The following DLG2 variants were observed in gnomAD, a reference collection of about 807,000 sequenced individuals.
DLG2 encodes disks large homolog 2.
DLG2 carries 45 observed loss-of-function variants against 132.5 expected under a neutral mutation model. That is an observed-to-expected ratio of 0.34 (90% CI 0.27 to 0.44). DLG2 has a LOEUF of 0.44. Ranked by LOEUF, DLG2 falls within the 20% of genes least tolerant of loss-of-function variation. DLG2 has a pLI of 1.00. For synonymous variants in DLG2, 424 were observed against 419.6 expected, an observed-to-expected ratio of 1.01 and a Z score of -0.13; for missense variants, 1,045 against 1,196.9, an observed-to-expected ratio of 0.87 and a Z score of 1.87.
At chr11:84,648,797 C>T (rs1361827169) in intron 6 of DLG2, among the ~76,000 whole-genome samples, 1 of 151,938 alleles carries the variant, frequency 6.6e-6, no homozygotes, top group Admixed American at 6.6e-5. Context: ...ATATATCTCA[C>T]ACACACAGAC....
chr11:85,273,521 C>A (rs1444676850), intron 4 of DLG2, among the ~76,000 whole-genome samples: 1 of 152,130 alleles, frequency 6.6e-6, no homozygotes, highest in African/African-American at 2.4e-5. Flanking sequence ...TCATCACTGG[C>A]CATCAGAGAA....
Position 83,989,527 on chromosome 11 carries a change from C to T in DLG2, c.920-8885G>A, listed in dbSNP as rs74346909. Among the ~76,000 whole-genome samples the T allele has an allele frequency of 5.3e-3, 809 of 152,196 alleles. 4 individuals carry two copies. Among genetic ancestry groups the T allele is most frequent in the Non-Finnish European group, 8.9e-3 (604 of 68,008 alleles). On this transcript the variant is annotated intron_variant, in intron 11 of 27. Transcript: ENST00000376104. ...TATGTGAGGGAAGCATGACTTACTT[C>T]TTAGAGGAGAAGGAGAATAATTAAC...
chr11:85,348,229 ATTTCTTTTTT>A (rs2083005391), intron 3 of DLG2, among the ~76,000 whole-genome samples: 1 of 131,768 alleles, frequency 7.6e-6, no homozygotes, highest in African/African-American at 2.9e-5. Context: ...TTTTGTTTTT[ATTTCTTTTTT>A]TTGAGACAGA....
chr11:84,695,220 A>G (rs2058497759), intron 6 of DLG2, among the ~76,000 whole-genome samples: 1 of 151,562 alleles, frequency 6.6e-6, no homozygotes, highest in Non-Finnish European at 1.5e-5. Context: ...GGCTCATATT[A>G]CAGCAGAGAA....
At chr11:83,600,395 C>A (rs2058353469) in intron 19 of DLG2, among the ~76,000 whole-genome samples, 1 of 151,998 alleles carries the variant, frequency 6.6e-6, no homozygotes, top group East Asian at 1.9e-4. Flanking sequence ...TATACATCTC[C>A]TTTTCTGCTA....
chr11:84,702,158 G>A (rs537951570), intron 6 of DLG2, among the ~76,000 whole-genome samples: 11 of 151,708 alleles, frequency 7.3e-5, no homozygotes, highest in African/African-American at 2.4e-4. Flanking sequence ...TACTTGCCTT[G>A]CTTTATTCCT....
intron 6 of DLG2, among the ~76,000 whole-genome samples, chr11:84,867,799 A>G (rs1307382497): frequency 1.3e-5 from 2 of 152,156 alleles, no homozygotes; most frequent in Non-Finnish European, 2.9e-5. Context: ...ATGGGGCCGG[A>G]CGTGGTGGCT....
chr11:83,845,026 T>G (rs1381141943), intron 16 of DLG2, among the ~76,000 whole-genome samples: 5 of 152,030 alleles, frequency 3.3e-5, no homozygotes, highest in Non-Finnish European at 2.9e-5. Context: ...TTACAGCATA[T>G]AAGCTTGATT....
chr11:85,459,343 G>C (rs1410427131), intron 3 of DLG2, among the ~76,000 whole-genome samples: 1 of 152,138 alleles, frequency 6.6e-6, no homozygotes, highest in Non-Finnish European at 1.5e-5. Flanking sequence ...AGTGCTCACA[G>C]GGATGAGCGA....
At chr11:85,306,383 A>C (rs1224051620) in intron 3 of DLG2, among the ~76,000 whole-genome samples, 1 of 152,212 alleles carries the variant, frequency 6.6e-6, no homozygotes, top group Non-Finnish European at 1.5e-5. Context: ...AGTAGGAGGA[A>C]TGGAGATAAA....
intron 5 of DLG2, among the ~76,000 whole-genome samples, chr11:85,135,436 G>A (rs554240401): frequency 6.6e-6 from 1 of 152,286 alleles, no homozygotes; most frequent in African/African-American, 2.4e-5. Context: ...ATTTTCACAA[G>A]GTATCCTGGA....
At chr11:85,377,839 G>C (rs1266517270) in intron 3 of DLG2, among the ~76,000 whole-genome samples, 1 of 148,192 alleles carries the variant, frequency 6.7e-6, no homozygotes, top group Admixed American at 6.7e-5. Flanking sequence ...ATATATATGT[G>C]TGTATACATA....
intron 6 of DLG2, among the ~76,000 whole-genome samples, chr11:84,580,001 G>A (rs1321213516): frequency 2.0e-5 from 3 of 152,182 alleles, no homozygotes; most frequent in Non-Finnish European, 4.4e-5. Context: ...ATAAGGGAAG[G>A]AGAGAAAAGA....
At chr11:83,629,785 A>G (rs1374203094) in intron 19 of DLG2, among the ~76,000 whole-genome samples, 2 of 152,196 alleles carry the variant, frequency 1.3e-5, no homozygotes, top group African/African-American at 4.8e-5. Flanking sequence ...AAATACACGC[A>G]ATAAAATTCA....
At chr11:83,870,828 T>C (rs1010657227) in intron 16 of DLG2, among the ~76,000 whole-genome samples, 3 of 152,184 alleles carry the variant, frequency 2.0e-5, no homozygotes, top group African/African-American at 4.8e-5. Flanking sequence ...AGATCTGCTC[T>C]TTGCTGAGCT....
intron 26 of DLG2, among the ~76,000 whole-genome samples, chr11:83,463,707 C>G (rs368653649): frequency 6.6e-6 from 1 of 152,222 alleles, no homozygotes; most frequent in Non-Finnish European, 1.5e-5. Context: ...GGGAACATGG[C>G]TTGAGCCCAC....
At chr11:85,081,973 G>T (rs1045922917) in intron 6 of DLG2, among the ~76,000 whole-genome samples, 2 of 152,026 alleles carry the variant, frequency 1.3e-5, no homozygotes, top group African/African-American at 4.8e-5. Context: ...TCCCCACACA[G>T]GCTACTGGCA....
At chr11:85,343,285 C>T (rs1219955896) in intron 3 of DLG2, among the ~76,000 whole-genome samples, 1 of 152,104 alleles carries the variant, frequency 6.6e-6, no homozygotes, top group African/African-American at 2.4e-5. Context: ...AACTAGTAGC[C>T]CTTCAGTGTG....
chr11:84,497,694 CATGTTT>C (rs770663545), intron 7 of DLG2, among the ~76,000 whole-genome samples: 6 of 152,094 alleles, frequency 3.9e-5, no homozygotes, highest in African/African-American at 7.2e-5. Flanking sequence ...TCATATAAAA[CATGTTT>C]ATTATTTTGC....
Sources: allele counts gnomAD v4.1 joint callset (sites outside exome capture counted in the v4.1 genomes callset), GRCh38; gene constraint gnomAD v4.1.1; transcripts MANE v1.5; gene names NCBI Gene and HGNC (gene_info 2026-07-23, HGNC 2026-07-21).